Variants in WDR7 observed in about 807,000 individuals in gnomAD.
The protein encoded by WDR7 is WD repeat domain 7, also known as WD repeat-containing protein 7.
In WDR7, 46 loss-of-function variants were observed where a neutral mutation model predicts 169.4. The observed-to-expected ratio is 0.27, with a 90% confidence interval of 0.21 to 0.35. The LOEUF (loss-of-function observed/expected upper bound fraction) is 0.35. Among genes scored for constraint, WDR7 ranks in the 10% least tolerant of loss-of-function variants. The pLI is 1.00. For synonymous variants in WDR7, 612 were observed against 666.8 expected, an observed-to-expected ratio of 0.92 and a Z score of 1.27; for missense variants, 1,534 against 1,859.3, an observed-to-expected ratio of 0.83 and a Z score of 3.22.
intron 21 of WDR7, among the ~76,000 whole-genome samples, chr18:56,887,008 C>G (rs1327264715): frequency 6.6e-6 from 1 of 151,974 alleles, no homozygotes. Flanking sequence ...AATGAGATAG[C>G]AACACAATAA....
intron 2 of WDR7, among the ~76,000 whole-genome samples, chr18:56,673,190 C>T (rs2025173135): frequency 2.0e-5 from 3 of 148,496 alleles, no homozygotes; most frequent in African/African-American, 7.4e-5. Flanking sequence ...CACACACGTT[C>T]ACACTGATAC....
rs115195302 is a variant in WDR7 at position 57,006,662 on chromosome 18, C to G, written c.4165-14083C>G. 1.6e-3 allele frequency among the ~76,000 whole-genome samples: 247 copies of G among 152,156 alleles called. 2 individuals are homozygous for G. Among genetic ancestry groups the G allele is most frequent in the Middle Eastern group, 6.8e-3 (2 of 294 alleles). On this transcript the variant is annotated intron_variant, in intron 26 of 27. Transcript: ENST00000254442. ...TTTCATTCAGGTAAATTACCTTTGG[C>G]CAAACTATAGGGAATGCTTATATAA...
intron 27 of WDR7, among the ~76,000 whole-genome samples, chr18:57,024,357 A>G (rs186994083): frequency 6.6e-6 from 1 of 152,240 alleles, no homozygotes; most frequent in East Asian, 1.9e-4. Flanking sequence ...AGAGAGAGTC[A>G]TTTGTCTGAG....
intron 14 of WDR7, among the ~76,000 whole-genome samples, chr18:56,751,320 C>CT (rs1464380062): frequency 3.3e-5 from 5 of 152,158 alleles, no homozygotes; most frequent in Admixed American, 3.3e-4. Context: ...GGTGAGAGAG[C>CT]TTAAAGGGCT....
intron 16 of WDR7, among the ~76,000 whole-genome samples, chr18:56,760,066 C>T (rs2043958500): frequency 6.6e-6 from 1 of 152,094 alleles, no homozygotes; most frequent in African/African-American, 2.4e-5. Context: ...GTTATAAGAT[C>T]ATTATGTAAT....
chr18:56,815,205 A>G (rs1272093903), intron 19 of WDR7, among the ~76,000 whole-genome samples: 1 of 152,186 alleles, frequency 6.6e-6, no homozygotes. Flanking sequence ...TTGGTTAGAA[A>G]GTTTAACTCC....
chr18:56,991,566 T>C (rs1215977914), intron 26 of WDR7, among the ~76,000 whole-genome samples: 1 of 152,132 alleles, frequency 6.6e-6, no homozygotes, highest in Non-Finnish European at 1.5e-5. Context: ...CTCTAAAAAT[T>C]TTAGACATTA....
chr18:56,981,942 AAC>A (rs2047651184), intron 26 of WDR7, among the ~76,000 whole-genome samples: 1 of 152,230 alleles, frequency 6.6e-6, no homozygotes, highest in South Asian at 2.1e-4. Flanking sequence ...ACCAAGGTAA[AAC>A]CCTCAGTGAT....
At chr18:56,791,867 T>C (rs1190330731) in intron 19 of WDR7, among the ~76,000 whole-genome samples, 2 of 152,098 alleles carry the variant, frequency 1.3e-5, no homozygotes, top group Non-Finnish European at 2.9e-5. Flanking sequence ...AAAAGGAAAG[T>C]GAGAGGCAGG....
intron 20 of WDR7, among the ~76,000 whole-genome samples, chr18:56,840,691 T>A (rs888903960): frequency 6.6e-6 from 1 of 151,676 alleles, no homozygotes; most frequent in Admixed American, 6.6e-5. Context: ...TAGTGGCGTG[T>A]GCTGGTAGTC....
chr18:56,936,776 A>G (rs1280313625), intron 23 of WDR7, among the ~76,000 whole-genome samples: 2 of 152,142 alleles, frequency 1.3e-5, no homozygotes, highest in African/African-American at 4.8e-5. Context: ...GGCTTATGTG[A>G]GGCACTGAGG....
chr18:56,988,654 T>A (rs1046301144), intron 26 of WDR7, among the ~76,000 whole-genome samples: 8 of 150,112 alleles, frequency 5.3e-5, no homozygotes, highest in Admixed American at 1.3e-4. Context: ...CGTCGCAATT[T>A]TGCAGCAGTT....
At chr18:56,862,927 G>C (rs990837391) in intron 20 of WDR7, among the ~76,000 whole-genome samples, 1 of 151,750 alleles carries the variant, frequency 6.6e-6, no homozygotes, top group African/African-American at 2.4e-5. Context: ...CTATAATTTA[G>C]AATAGTGTGT....
At chr18:56,883,213 A>G (rs2046136786) in intron 21 of WDR7, among the ~76,000 whole-genome samples, 1 of 150,766 alleles carries the variant, frequency 6.6e-6, no homozygotes, top group Non-Finnish European at 1.5e-5. Context: ...CCGTCTCAAA[A>G]AAAAAAAAAA....
Position 56,860,457 on chromosome 18 carries a change from G to A in WDR7, c.3305-19487G>A, listed in dbSNP as rs377607220. Among the ~76,000 whole-genome samples the A allele has an allele frequency of 3.2e-4, 48 of 151,944 alleles. No individual in the cohort carries two copies. In the Middle Eastern group the frequency reaches 0.01, roughly 32 times the overall value. On this transcript the variant is annotated intron_variant, in intron 20 of 27. Transcript: ENST00000254442. The stretch of plus-strand genomic sequence containing the variant: ...TTACAAATCTGAGCATTCCCTCCCC[G>A]CAACTGACCTAATGCTTCAGTGCCC...
chr18:56,893,063 C>T (rs1271263033), intron 21 of WDR7, among the ~76,000 whole-genome samples: 1 of 149,184 alleles, frequency 6.7e-6, no homozygotes, highest in African/African-American at 2.6e-5. Context: ...AAGACTCTTT[C>T]TGCCAGCCAC....
chr18:56,884,125 C>T (rs1036865367), intron 21 of WDR7, among the ~76,000 whole-genome samples: 1 of 152,144 alleles, frequency 6.6e-6, no homozygotes, highest in Admixed American at 6.5e-5. Flanking sequence ...TTTACATTCC[C>T]AACAATGGTG....
At chr18:56,978,533 T>C (rs996127373) in intron 26 of WDR7, among the ~76,000 whole-genome samples, 1 of 152,212 alleles carries the variant, frequency 6.6e-6, no homozygotes, top group African/African-American at 2.4e-5. Flanking sequence ...TGAAAGGGCT[T>C]TTGAAAATTG....
intron 1 of WDR7, among the ~76,000 whole-genome samples, chr18:56,654,222 C>T (rs567869121): frequency 6.6e-6 from 1 of 152,078 alleles, no homozygotes; most frequent in African/African-American, 2.4e-5. Flanking sequence ...ATCTCTGTCT[C>T]CCAGGTTCAA....
Sources: gnomAD v4.1 joint callset for allele counts (sites outside exome capture counted in the v4.1 genomes callset) on GRCh38, gnomAD v4.1.1 for gene constraint, MANE v1.5 for transcripts, NCBI Gene and HGNC (gene_info 2026-07-23, HGNC 2026-07-21) for gene names.